RERE: variants seen among roughly 807,000 people sequenced by gnomAD.
RERE encodes the protein arginine-glutamic acid dipeptide repeats protein.
A neutral mutation model predicts 146.1 loss-of-function variants in RERE; 40 were observed. The observed-to-expected ratio is 0.27, with a 90% CI of 0.21 to 0.36. The LOEUF is 0.36. Ranked by LOEUF, RERE falls within the 10% of genes least tolerant of loss-of-function variation. RERE has a pLI of 1.00. For missense variants in RERE, 1,933 were observed against 2,138.7 expected (o/e 0.90, Z 1.90); for synonymous variants, 1,003 against 866.0 (o/e 1.16, Z -2.78).
At chr1:8,789,301 A>ATATATATATATATATAT (rs1553149621) in intron 1 of RERE, among the ~76,000 whole-genome samples, 2 of 24,814 alleles carry the variant, frequency 8.1e-5, no homozygotes, top group South Asian at 1.4e-3. Flanking sequence ...AAAAAAAAAA[A>ATATATATATATATATAT]ATATATATAT....
chr1:8,610,447 G>C (rs936419032), intron 4 of RERE, among the ~76,000 whole-genome samples: 2 of 152,066 alleles, frequency 1.3e-5, no homozygotes, highest in Non-Finnish European at 2.9e-5. Context: ...AACTTAGCCA[G>C]GCATGGTGGT....
chr1:8,613,880 A>T (rs1222731928), intron 4 of RERE, among the ~76,000 whole-genome samples: 3 of 147,602 alleles, frequency 2.0e-5, no homozygotes, highest in Non-Finnish European at 2.9e-5. Context: ...GAACTTTCCT[A>T]AAAAAAGGGA....
Position 8,361,185 on chromosome 1 carries a change from G to C in RERE, c.2322C>G (p.Pro774=), listed in dbSNP as rs1641562472. The C allele has an allele frequency of 4.8e-6, 7 of 1,472,188 alleles. No homozygotes were observed. The highest frequency in any genetic ancestry group is 6.3e-6 in the Non-Finnish European group (7 of 1,118,042). 91.2% of individuals were successfully genotyped at this position (1,472,188 alleles called of 1,614,324 possible). Residue 774 remains proline (P), a synonymous_variant, in exon 18 of 23, where the codon CCC becomes CCG. Transcript: ENST00000400908. ...GGGAGGCCGTGGGGGAGCCCTGTGGGGGAACTGCAGTGGCAGAGGGCGTGG... is the reference window on the plus strand; with the variant it reads ...GGGAGGCCGTGGGGGAGCCCTGTGGCGGAACTGCAGTGGCAGAGGGCGTGG... ...PGPTPSATAV[P]PQGSPTASQA... is the part of the protein sequence containing the mutation.
intron 12 of RERE, among the ~76,000 whole-genome samples, chr1:8,371,540 G>C (rs1367051220): frequency 1.3e-5 from 2 of 152,140 alleles, no homozygotes; most frequent in African/African-American, 4.8e-5. Context: ...GCTGACTCTG[G>C]GCCTAGCGGA....
intron 2 of RERE, among the ~76,000 whole-genome samples, chr1:8,637,831 G>C (rs1330943242): frequency 6.6e-6 from 1 of 152,200 alleles, no homozygotes; most frequent in Non-Finnish European, 1.5e-5. Context: ...AAAGCCCTAC[G>C]ATACACTAGG....
At chr1:8,508,937 C>G (rs1412975413) in intron 7 of RERE, among the ~76,000 whole-genome samples, 1 of 151,986 alleles carries the variant, frequency 6.6e-6, no homozygotes, top group Admixed American at 6.6e-5. Flanking sequence ...TTTTTTGAGA[C>G]AGAGTCTCAC....
chr1:8,740,007 C>T (rs1158022651), intron 1 of RERE, among the ~76,000 whole-genome samples: 4 of 152,050 alleles, frequency 2.6e-5, no homozygotes, highest in African/African-American at 9.7e-5. Context: ...TCCCCTATTG[C>T]CATATCCACT....
chr1:8,570,407 A>T (rs1205347536), intron 4 of RERE, among the ~76,000 whole-genome samples: 1 of 152,194 alleles, frequency 6.6e-6, no homozygotes, highest in East Asian at 1.9e-4. Context: ...TAATAAACCC[A>T]CTACATGCTC....
At chr1:8,661,497 C>T (rs1638456117) in intron 1 of RERE, among the ~76,000 whole-genome samples, 1 of 152,112 alleles carries the variant, frequency 6.6e-6, no homozygotes, top group Admixed American at 6.6e-5. Context: ...ATCACTCTGG[C>T]CGCTGATAAA....
rs563480327 is a variant in RERE at position 8,702,340 on chromosome 1, A to C, written c.-144-45899T>G. On this transcript the variant is annotated intron_variant, in intron 1 of 22. Transcript: ENST00000400908. ...ACGCTTAAGGGCTGCAAGTAAAACA[A>C]AGTAACCTATTACAGGAGTTTCCTT... is the stretch of plus-strand genomic sequence containing the variant. Among the ~76,000 whole-genome samples, 40 of 152,342 alleles carry C rather than the reference A, an allele frequency of 2.6e-4. No individual in the cohort carries two copies. In the South Asian group the frequency reaches 8.1e-3, roughly 31 times the overall value.
At chr1:8,505,543 AT>A (rs904578852) in intron 8 of RERE, among the ~76,000 whole-genome samples, 10 of 149,046 alleles carry the variant, frequency 6.7e-5, no homozygotes, top group East Asian at 2.0e-4. Context: ...AAAAAGGTTA[AT>A]TTTTTTTTTT....
At chr1:8,582,416 T>C (rs1646378089) in intron 4 of RERE, among the ~76,000 whole-genome samples, 1 of 141,416 alleles carries the variant, frequency 7.1e-6, no homozygotes, top group African/African-American at 2.7e-5. Context: ...ACTTTTTTTC[T>C]TTTTTTTTTT....
In RERE at chr1:8,358,569, C is replaced by T. The variant is rs1396143636; in HGVS notation, c.3966G>A (p.Arg1322=). 1.2e-6 allele frequency: 2 copies of T among 1,606,360 alleles called. No homozygotes were observed. Among genetic ancestry groups the T allele is most frequent in the Non-Finnish European group, 1.7e-6 (2 of 1,176,920 alleles). ...GCTTCACCTCGAAGCCCGGCTTCAT[C>T]CTCTCCCGCAGCTCCCGCTCTCGGA... ...REIRERELRE[R]MKPGFEVKPP... The change falls in exon 20 of 23, where the codon AGG becomes AGA. Residue 1322 remains arginine, a synonymous_variant. Coordinates refer to ENST00000400908, the MANE Select transcript of RERE (RefSeq NM_001042681.2).
At chr1:8,521,425 T>A (rs1409706522) in intron 7 of RERE, among the ~76,000 whole-genome samples, 4 of 152,240 alleles carry the variant, frequency 2.6e-5, no homozygotes, top group African/African-American at 9.6e-5. Flanking sequence ...GAAGATAGTT[T>A]GAGGCCAGGA....
chr1:8,502,182 G>A (rs1325633888), intron 8 of RERE, among the ~76,000 whole-genome samples: 8 of 63,332 alleles, frequency 1.3e-4, no homozygotes, highest in African/African-American at 3.0e-4. Flanking sequence ...CCCCCCACCC[G>A]GCCAGCCGCC....
intron 4 of RERE, among the ~76,000 whole-genome samples, chr1:8,573,417 CT>C (rs1165848795): frequency 1.3e-5 from 2 of 151,906 alleles, no homozygotes; most frequent in Admixed American, 6.6e-5. Context: ...TCTTTGAGTT[CT>C]TCTATAATAT....
chr1:8,566,877 G>A lies in RERE; in HGVS notation c.523-9354C>T, dbSNP rs886891405. The stretch of plus-strand genomic sequence containing the variant: ...GCGATCTCGGCTCACTGCAACCTCC[G>A]CCTCCAGGGTTCCAGCAATTCTCCT... On this transcript the variant is annotated intron_variant, in intron 4 of 22. Transcript: ENST00000400908. Among the ~76,000 whole-genome samples, 7 of 150,284 alleles carry A rather than the reference G, an allele frequency of 4.7e-5. No individual in the cohort carries two copies. In the East Asian group the frequency reaches 8.0e-4, roughly 17 times the overall value.
In RERE at chr1:8,774,951, C is replaced by CTTTTTTTTTTTT. The variant is rs869173167; in HGVS notation, c.-145+42197_-145+42208dup. 9.6e-4 allele frequency among the ~76,000 whole-genome samples: 46 copies of CTTTTTTTTTTTT among 47,962 alleles called. 1 individual carries two copies. Among genetic ancestry groups the CTTTTTTTTTTTT allele is most frequent in the South Asian group, 3.4e-3 (4 of 1,162 alleles). 31.5% of individuals were successfully genotyped at this position (47,962 alleles called of 152,430 possible). A position where few individuals can be genotyped will look rare whatever the true frequency, so the allele number is the denominator to read the frequency against. On this transcript the variant is annotated intron_variant, in intron 1 of 22. Coordinates refer to ENST00000400908, the MANE Select transcript of RERE (RefSeq NM_001042681.2). ...TCATAGTAGCATTTCTTCTTTCTTT[C>CTTTTTTTTTTTT]TTTTTTTTTTTTTTTTTTTTTTTTT... is the stretch of plus-strand genomic sequence containing the variant.
Position 8,520,090 on chromosome 1 carries a change from A to G in RERE, c.831-11415T>C, listed in dbSNP as rs190293078. 2.6e-5 allele frequency among the ~76,000 whole-genome samples: 4 copies of G among 152,344 alleles called. No homozygotes were observed. The East Asian group carries it at 7.7e-4, about 29-fold the overall frequency. ...AAAACTAAAAACAAATACAAATGAA[A>G]AAACAAAGAGATTTAGTCAACTTAA... On this transcript the variant is annotated intron_variant, in intron 7 of 22. Transcript: ENST00000400908.
Sources: allele counts gnomAD v4.1 joint callset (sites outside exome capture counted in the v4.1 genomes callset), GRCh38; gene constraint gnomAD v4.1.1; transcripts MANE v1.5; gene names NCBI Gene and HGNC (gene_info 2026-07-23, HGNC 2026-07-21).